ABAT: variants seen among roughly 807,000 people sequenced by gnomAD.
The protein encoded by ABAT is 4-aminobutyrate aminotransferase.
A neutral mutation model predicts 64.6 loss-of-function variants in ABAT; 45 were observed. The observed-to-expected ratio is 0.70, with a 90% CI of 0.55 to 0.89. The LOEUF is 0.89. Among genes scored for constraint, ABAT ranks in the 40% least tolerant of loss-of-function variants. ABAT has a pLI of 0.00. For synonymous variants in ABAT, 297 were observed against 250.5 expected (o/e 1.19, Z -1.75); for missense variants, 633 against 658.4 (o/e 0.96, Z 0.42).
intron 2 of ABAT, among the ~76,000 whole-genome samples, chr16:8,743,950 C>T (rs930940038): frequency 1.3e-5 from 2 of 152,048 alleles, no homozygotes; most frequent in Admixed American, 6.6e-5. Flanking sequence ...GTCTTGGATA[C>T]ACCGCACCTG....
intron 1 of ABAT, among the ~76,000 whole-genome samples, chr16:8,729,412 T>C (rs1432178742): frequency 6.6e-6 from 1 of 152,222 alleles, no homozygotes; most frequent in Non-Finnish European, 1.5e-5. Context: ...AGCCTATGAC[T>C]GAGGCCGAAT....
intron 12 of ABAT, among the ~76,000 whole-genome samples, chr16:8,773,129 CACACACACACACACACACAT>C (rs1182898829): frequency 2.2e-4 from 30 of 137,290 alleles, no homozygotes; most frequent in Non-Finnish European, 3.8e-4. Flanking sequence ...CACACACACA[CACACACACACACACACACAT>C]ATATATATAT....
At chr16:8,742,865 C>CAAAAAAAAA in intron 2 of ABAT, among the ~76,000 whole-genome samples, 1 of 96,996 alleles carries the variant, frequency 1.0e-5, no homozygotes, top group Non-Finnish European at 2.0e-5. Flanking sequence ...GACCCTGTCT[C>CAAAAAAAAA]AAAAAAAAAA....
At chr16:8,765,755 G>A (rs944087915) in intron 8 of ABAT, 5 of 153,340 alleles carry the variant, frequency 3.3e-5, no homozygotes, top group African/African-American at 1.2e-4. Flanking sequence ...GTGCCTCTAG[G>A]TTATTTTATT....
chr16:8,729,939 G>T (rs1226392566), intron 1 of ABAT, among the ~76,000 whole-genome samples: 1 of 152,062 alleles, frequency 6.6e-6, no homozygotes, highest in Non-Finnish European at 1.5e-5. Context: ...GTAGGGCCAG[G>T]TCTATGCCCC....
Position 8,784,023 on chromosome 16 carries a change from C to T in ABAT, c.*2593C>T, listed in dbSNP as rs1397362665. 6.6e-6 allele frequency: 1 copy of T among 152,204 alleles called. No individual in the cohort carries two copies. Among genetic ancestry groups the T allele is most frequent in the Non-Finnish European group, 1.5e-5 (1 of 68,048 alleles). 9.4% of individuals were successfully genotyped at this position (152,204 alleles called of 1,614,324 possible). ...TAGAAGAATTTCAAGGAAAAGAATTCTCAGCAGAGCTCAAGATTGTAGAAA... is the reference window on the plus strand; with the variant it reads ...TAGAAGAATTTCAAGGAAAAGAATTTTCAGCAGAGCTCAAGATTGTAGAAA... On this transcript the variant is annotated 3_prime_UTR_variant, in exon 16 of 16. Transcript: ENST00000268251.
In ABAT at chr16:8,735,696, C is replaced by G. The variant is rs1275749833; in HGVS notation, c.-41-3C>G. ...CTAAGTCTGCATTTCTGGTTTCTTT[C>G]AGGGTGGCAGCACGCAAAGGGTGTC... On this transcript the variant is annotated splice_region_variant and splice_polypyrimidine_tract_variant and intron_variant, in intron 1 of 15. Transcript: ENST00000268251. 3.2e-6 allele frequency: 5 copies of G among 1,561,432 alleles called. No individual in the cohort carries two copies. Among genetic ancestry groups the G allele is most frequent in the Non-Finnish European group, 4.3e-6 (5 of 1,152,344 alleles).
At position 8,764,093 on chromosome 16, in the gene ABAT, C is replaced by G; in HGVS notation, c.391C>G (p.Leu131Val). 6.2e-7 allele frequency: 1 copy of G among 1,613,832 alleles called. No homozygotes were observed. Among genetic ancestry groups the G allele is most frequent in the Non-Finnish European group, 8.5e-7 (1 of 1,180,030 alleles). The change falls in exon 7 of 16, where the codon CTC becomes GTC. Residue 131 changes from leucine to valine, a missense_variant. Physicochemically the swap from Leu to Val is conservative, Grantham distance 32. Coordinates refer to ENST00000268251, the MANE Select transcript of ABAT (RefSeq NM_020686.6). The surrounding 1 kb of genome is among the most constrained non-coding windows in gnomAD (Gnocchi z 4.2). ...GAGCATGTTTGTCAACAGACCCGCC[C>G]TCGGAATCCTGCCTCCGGAGAACTT... The part of the protein sequence containing the change: ...NASMFVNRPA[L>V]GILPPENFVE...
rs2060226307 is a variant in ABAT at position 8,775,060 on chromosome 16, G to A, written c.1122+3G>A. 1 of 1,614,132 alleles carries A rather than the reference G, an allele frequency of 6.2e-7. No individual in the cohort carries two copies. Among genetic ancestry groups the A allele is most frequent in the Non-Finnish European group, 8.5e-7 (1 of 1,180,052 alleles). ...AGGAGGAGTTCAGGCCTAATGCTGT[G>A]AGTTGGAGCCAACCTTCTCTCTACA... On this transcript the variant is annotated splice_donor_region_variant and intron_variant, in intron 13 of 15. Transcript: ENST00000268251.
chr16:8,774,853 G>T, intron 12 of ABAT, 37 bp from the exon 13 acceptor site: 1 of 1,611,888 alleles, frequency 6.2e-7, no homozygotes, highest in East Asian at 2.2e-5. Flanking sequence ...GCCTCCCACG[G>T]GTGTTTATTT....
intron 1 of ABAT, among the ~76,000 whole-genome samples, chr16:8,702,351 C>G (rs1169618214): frequency 6.6e-6 from 1 of 151,912 alleles, no homozygotes; most frequent in African/African-American, 2.4e-5. Flanking sequence ...CTCCTGGGTT[C>G]AAGCAATTCT....
chr16:8,727,626 G>C (rs939325810), intron 1 of ABAT, among the ~76,000 whole-genome samples: 1 of 152,186 alleles, frequency 6.6e-6, no homozygotes, highest in African/African-American at 2.4e-5. Context: ...TACATATCAT[G>C]CTGAGTTATT....
chr16:8,782,452 C>T lies in ABAT; in HGVS notation c.*1022C>T, dbSNP rs2060462434. ...GACCCCCAGGAACAGCTTGGCTGTT[C>T]CACCAGAGCAGAGGGAATCATTGCT... On this transcript the variant is annotated 3_prime_UTR_variant, in exon 16 of 16. Transcript: ENST00000268251. The T allele has an allele frequency of 6.6e-6, 1 of 152,272 alleles. No homozygotes were observed. Among genetic ancestry groups the T allele is most frequent in the Non-Finnish European group, 1.5e-5 (1 of 68,080 alleles). 9.4% of individuals were successfully genotyped at this position (152,272 alleles called of 1,614,324 possible).
At chr16:8,735,251 TTTTGG>T (rs2058884905) in intron 1 of ABAT, among the ~76,000 whole-genome samples, 1 of 151,342 alleles carries the variant, frequency 6.6e-6, no homozygotes, top group Non-Finnish European at 1.5e-5. Context: ...TTTTGTTTTG[TTTTGG>T]TTTGGTTTTT....
chr16:8,693,771 T>C (rs1219344713), intron 1 of ABAT, among the ~76,000 whole-genome samples: 6 of 152,094 alleles, frequency 3.9e-5, no homozygotes, highest in Non-Finnish European at 7.4e-5. Context: ...GCCCAGCTTG[T>C]TTTTAGGTCT....
intron 1 of ABAT, among the ~76,000 whole-genome samples, chr16:8,717,803 T>G (rs1596414950): frequency 6.6e-6 from 1 of 152,102 alleles, no homozygotes; most frequent in Middle Eastern, 3.4e-3. Context: ...AGAATTAAAT[T>G]AAAATCCCAA....
At chr16:8,731,079 CAG>C (rs2142315409) in intron 1 of ABAT, among the ~76,000 whole-genome samples, 1 of 152,276 alleles carries the variant, frequency 6.6e-6, no homozygotes, top group East Asian at 1.9e-4. Context: ...TCTTGTGCCT[CAG>C]ACTCCTGAGT....
Position 8,773,069 on chromosome 16 carries a change from G to A in ABAT, c.954+152G>A, listed in dbSNP as rs2060160860. The A allele has an allele frequency of 5.4e-6, 5 of 934,268 alleles. 1 individual carries two copies. In the South Asian group the frequency reaches 5.5e-5, roughly 10 times the overall value. The allele number at this position is 934,268 out of a possible 1,614,324, so 57.9% of individuals were successfully genotyped here. ...TCAGCATCAGGGGTGGAGAAGTTGG[G>A]GTTGGTGAAAGAATGGGGATTCTTC... On this transcript the variant is annotated intron_variant, in intron 12 of 15. Coordinates refer to ENST00000268251, the MANE Select transcript of ABAT (RefSeq NM_020686.6).
At chr16:8,744,393 A>G (rs1195744884) in intron 2 of ABAT, among the ~76,000 whole-genome samples, 1 of 151,740 alleles carries the variant, frequency 6.6e-6, no homozygotes, top group African/African-American at 2.4e-5. Flanking sequence ...TTTGAGATGG[A>G]GTCTCGCTTT....
Sources: allele counts gnomAD v4.1 joint callset (sites outside exome capture counted in the v4.1 genomes callset), GRCh38; gene constraint gnomAD v4.1.1; non-coding constraint Gnocchi (gnomAD v3.1); transcripts MANE v1.5; gene names NCBI Gene and HGNC (gene_info 2026-07-23, HGNC 2026-07-21).